Variants in SLC5A6 observed in about 807,000 individuals in gnomAD.
SLC5A6 encodes the protein sodium-dependent multivitamin transporter.
SLC5A6 carries 31 observed loss-of-function variants against 67.9 expected under a neutral mutation model. That is an observed-to-expected ratio of 0.46 (90% confidence interval 0.34 to 0.62). SLC5A6 has a LOEUF of 0.62. Among genes scored for constraint, SLC5A6 ranks in the 20% least tolerant of loss-of-function variants. The pLI is 0.01. For synonymous variants in SLC5A6, 343 were observed against 331.0 expected (o/e 1.04, Z -0.39); for missense variants, 673 against 812.8 (o/e 0.83, Z 2.09).
Position 27,201,438 on chromosome 2 carries a change from C to T in SLC5A6, c.1560G>A (p.Gln520=). Residue 520 remains glutamine (Q), a synonymous_variant, in exon 15 of 17, where the codon CAG becomes CAA. Coordinates refer to ENST00000310574, the MANE Select transcript of SLC5A6 (RefSeq NM_021095.4). Reference sequence around the variant, plus strand: ...ATAAGTAAGACAAGGAATAGAACCGCTGCAGCCCTGTGGGCCTGGGAAGAG... The same window carrying T: ...ATAAGTAAGACAAGGAATAGAACCGTTGCAGCCCTGTGGGCCTGGGAAGAG... ...LTTFSKPTGL[Q]RFYSLSYLWY... is the part of the protein sequence containing the mutation. 6.2e-7 allele frequency: 1 copy of T among 1,612,262 alleles called. No individual in the cohort carries two copies. Among genetic ancestry groups the T allele is most frequent in the East Asian group, 2.2e-5 (1 of 44,860 alleles).
chr2:27,212,751 T>A, upstream of SLC5A6: 2 of 913,456 alleles, frequency 2.2e-6, no homozygotes, highest in Non-Finnish European at 3.0e-6. Flanking sequence ...GCCTCTTGTG[T>A]AATCTCTCTA....
intron 12 of SLC5A6, 139 bp downstream of exon 12, chr2:27,202,674 T>C (rs188986373): frequency 1.1e-5 from 9 of 795,944 alleles, no homozygotes; most frequent in Admixed American, 9.8e-5. Flanking sequence ...CTGTTCACAG[T>C]AAAGACGGTC....
At chr2:27,203,995 C>T in intron 9 of SLC5A6, 128 bp from the exon 10 acceptor site, 1 of 677,190 alleles carries the variant, frequency 1.5e-6, no homozygotes, top group South Asian at 1.8e-5. Context: ...CAAGGGAAGC[C>T]AGGGCCTGGG....
chr2:27,201,525 G>T, intron 14 of SLC5A6, 72 bp from the exon 15 acceptor site: 2 of 1,351,892 alleles, frequency 1.5e-6, no homozygotes, highest in Non-Finnish European at 2.1e-6. Flanking sequence ...ATCTCTACTT[G>T]CCCGCATGGT....
chr2:27,206,308 C>T, intron 5 of SLC5A6, 175 bp downstream of exon 5: 1 of 702,180 alleles, frequency 1.4e-6, no homozygotes, highest in Non-Finnish European at 2.5e-6. Flanking sequence ...TACTAGCTGT[C>T]AATTGAGGTG....
upstream of SLC5A6, chr2:27,212,317 C>CG: frequency 6.5e-7 from 1 of 1,549,060 alleles, no homozygotes; most frequent in South Asian, 1.2e-5. Flanking sequence ...CGCTGCGGGG[C>CG]GGGGCCGCGG....
In SLC5A6 at chr2:27,212,102, T is replaced by C; in HGVS notation, c.-290A>G. ...CGGGGAACACCGGGCTGAGGGAGTC[T>C]GCAGTCGGCTCCGGGAAGCCGCGCG... On this transcript the variant is annotated 5_prime_UTR_variant, in exon 1 of 17. Coordinates refer to ENST00000310574, the MANE Select transcript of SLC5A6 (RefSeq NM_021095.4). 2 of 1,459,846 alleles carry C rather than the reference T, an allele frequency of 1.4e-6. No individual in the cohort carries two copies. Among genetic ancestry groups the C allele is most frequent in the Non-Finnish European group, 1.8e-6 (2 of 1,097,068 alleles). The allele number at this position is 1,459,846 out of a possible 1,614,324, so 90.4% of individuals were successfully genotyped here.
intron 7 of SLC5A6, 183 bp downstream of exon 7, chr2:27,205,167 C>T: frequency 1.4e-6 from 1 of 719,450 alleles, no homozygotes; most frequent in Non-Finnish European, 2.3e-6. Flanking sequence ...TCCTGACTCT[C>T]TATAAACACT....
chr2:27,204,442 C>T lies in SLC5A6; in HGVS notation c.1005+19G>A, dbSNP rs763209274. ...GGGGCCAGGCCTGCCCTCATGGGAA[C>T]AGAACAGCGCCTTCTCACCTGGTCT... is the stretch of plus-strand genomic sequence containing the variant. On this transcript the variant is annotated intron_variant, in intron 9 of 16. Coordinates refer to ENST00000310574, the MANE Select transcript of SLC5A6 (RefSeq NM_021095.4). 4.7e-5 allele frequency: 75 copies of T among 1,604,572 alleles called. No homozygotes were observed. The highest frequency in any genetic ancestry group is 6.0e-5 in the Non-Finnish European group (70 of 1,174,634).
At chr2:27,210,149 T>C (rs1306083970) in intron 2 of SLC5A6, among the ~76,000 whole-genome samples, 1 of 152,072 alleles carries the variant, frequency 6.6e-6, no homozygotes, top group Admixed American at 6.5e-5. Flanking sequence ...GGTACAGAAA[T>C]AAAGACACTC....
rs1284044609 is a variant in SLC5A6, at chr2:27,201,366, A to C, written c.1632T>G (p.Ile544Met). Residue 544 changes from isoleucine to methionine, a missense_variant, in exon 15 of 17, where the codon ATT becomes ATG. Ile to Met is a conservative substitution (Grantham distance 10, BLOSUM62 1). Coordinates refer to ENST00000310574, the MANE Select transcript of SLC5A6 (RefSeq NM_021095.4). Reference protein sequence around the residue: ...NSTTVIVVGLIVSLLTGRMRG... With the variant: ...NSTTVIVVGLMVSLLTGRMRG... ...CACCCTTACCAGTGAGTAGACTGAC[A>C]ATCAGGCCCACCACAATCACTGTGG... 1.2e-6 allele frequency: 2 copies of C among 1,610,126 alleles called. No homozygotes were observed. The highest frequency in any genetic ancestry group is 3.3e-5 in the Admixed American group (2 of 60,006).
intron 11 of SLC5A6, 69 bp from the exon 12 acceptor site, chr2:27,202,949 C>A: frequency 1.9e-6 from 3 of 1,585,680 alleles, no homozygotes; most frequent in Non-Finnish European, 2.6e-6. Context: ...TAAAGCAAGG[C>A]TCCCTGCCCA....
At chr2:27,210,294 G>C (rs531695943) in intron 2 of SLC5A6, among the ~76,000 whole-genome samples, 1 of 152,310 alleles carries the variant, frequency 6.6e-6, no homozygotes, top group African/African-American at 2.4e-5. Flanking sequence ...CAGATCTGTA[G>C]TTTTCTAAAC....
intron 2 of SLC5A6, among the ~76,000 whole-genome samples, chr2:27,209,786 G>A (rs1481286921): frequency 6.6e-6 from 1 of 152,160 alleles, no homozygotes; most frequent in Non-Finnish European, 1.5e-5. Flanking sequence ...GGCAAGATAT[G>A]GCCTCATGCA....
chr2:27,205,077 TC>T (rs1673953582), intron 7 of SLC5A6, 146 bp from the exon 8 acceptor site: 1 of 920,792 alleles, frequency 1.1e-6, no homozygotes, highest in Admixed American at 2.4e-5. Flanking sequence ...CTGGGTGCAC[TC>T]GAGAGACAGC....
chr2:27,200,907 G>A, intron 16 of SLC5A6, 91 bp downstream of exon 16: 1 of 821,876 alleles, frequency 1.2e-6, no homozygotes. Context: ...ACCCGGGGCA[G>A]GGGGAGAGAA....
intron 2 of SLC5A6, chr2:27,208,273 T>G (rs1468512847): frequency 6.5e-6 from 1 of 153,212 alleles, no homozygotes. Context: ...AGTGTCACCC[T>G]TCTAACTGAT....
chr2:27,206,361 C>G (rs1432020986), intron 5 of SLC5A6, 122 bp downstream of exon 5: 1 of 920,094 alleles, frequency 1.1e-6, no homozygotes, highest in Non-Finnish European at 1.7e-6. Context: ...AGGGCCCAAG[C>G]GGTGAATTAA....
Position 27,212,210 on chromosome 2 carries a change from A to G in SLC5A6, c.-398T>C, listed in dbSNP as rs1674590135. ...CGAAAGAGGGCTAGGGCGCATGAAG[A>G]CCAGCGCAGAGCTCCACGAGCAGGA... On this transcript the variant is annotated 5_prime_UTR_variant, in exon 1 of 17. Transcript: ENST00000310574. The G allele has an allele frequency of 1.3e-6, 2 of 1,556,884 alleles. No individual in the cohort carries two copies. The highest frequency in any genetic ancestry group is 1.7e-6 in the Non-Finnish European group (2 of 1,150,818).
Sources: gnomAD v4.1 joint callset for allele counts (sites outside exome capture counted in the v4.1 genomes callset) on GRCh38, gnomAD v4.1.1 for gene constraint, MANE v1.5 for transcripts, NCBI Gene and HGNC (gene_info 2026-07-23, HGNC 2026-07-21) for gene names.